RTL9: variants seen among roughly 807,000 people sequenced by gnomAD.
RTL9 encodes retrotransposon Gag like 9.
In RTL9, 19 loss-of-function variants were observed where a neutral mutation model predicts 44.7. The observed-to-expected ratio is 0.42, with a 90% confidence interval of 0.30 to 0.62. RTL9 has a LOEUF of 0.62. RTL9 is among the 20% of genes least tolerant of loss of function. The probability of loss-of-function intolerance (pLI) is 0.16; values close to 1 mark genes in which losing one functional copy is unlikely to be tolerated. For missense variants in RTL9, 1,105 were observed against 1,080.6 expected, an observed-to-expected ratio of 1.02 and a Z score of -0.32; for synonymous variants, 407 against 398.9, an observed-to-expected ratio of 1.02 and a Z score of -0.24.
chrX:110,441,624 C>T (rs1451976630), intron 1 of RTL9, among the ~76,000 whole-genome samples: 1 of 111,921 alleles, frequency 8.9e-6, no homozygotes, highest in Non-Finnish European at 1.9e-5. Flanking sequence ...ATATATCACA[C>T]CTTAATGAGA....
At chrX:110,391,973 G>A (rs1166198375) in intron 1 of RTL9, among the ~76,000 whole-genome samples, 2 of 111,716 alleles carry the variant, frequency 1.8e-5, no homozygotes, top group Non-Finnish European at 3.8e-5. Flanking sequence ...TGTTCAAAAG[G>A]GAAAACATAA....
chrX:110,424,199 G>A (rs2068738406), intron 1 of RTL9, among the ~76,000 whole-genome samples: 1 of 111,789 alleles, frequency 8.9e-6, no homozygotes, highest in South Asian at 3.8e-4. Flanking sequence ...ATCTGACTCA[G>A]TTACACTACA....
chrX:110,376,461 A>G (rs2068377291), intron 1 of RTL9, among the ~76,000 whole-genome samples: 1 of 111,481 alleles, frequency 9.0e-6, no homozygotes, highest in African/African-American at 3.3e-5. Context: ...TATTAGCCCA[A>G]GTGAGTTAAG....
At chrX:110,390,784 G>C (rs2068488926) in intron 1 of RTL9, among the ~76,000 whole-genome samples, 1 of 112,079 alleles carries the variant, frequency 8.9e-6, no homozygotes, top group Non-Finnish European at 1.9e-5. Context: ...TTTTCATCTA[G>C]AATTTGATCA....
chrX:110,396,056 G>T (rs910755705), intron 1 of RTL9, among the ~76,000 whole-genome samples: 2 of 111,464 alleles, frequency 1.8e-5, no homozygotes, highest in Admixed American at 1.9e-4. Flanking sequence ...ATATCTAAAT[G>T]CTTTTTCTTC....
chrX:110,391,566 G>A (rs776571162), intron 1 of RTL9, among the ~76,000 whole-genome samples: 2 of 111,863 alleles, frequency 1.8e-5, no homozygotes, highest in Non-Finnish European at 3.8e-5. Context: ...CTCAGGCTAC[G>A]ACTCTATGGC....
intron 1 of RTL9, among the ~76,000 whole-genome samples, chrX:110,442,213 C>A (rs769768764): frequency 1.0e-5 from 1 of 97,236 alleles, no homozygotes; most frequent in Admixed American, 1.1e-4. Context: ...GAATTTGGAT[C>A]GAAGTCTTTC....
chrX:110,361,323 C>T (rs955764503), intron 1 of RTL9, among the ~76,000 whole-genome samples: 1 of 111,678 alleles, frequency 9.0e-6, no homozygotes, highest in East Asian at 2.8e-4. Context: ...TTTTTCATTG[C>T]TACTATCCTG....
chrX:110,362,798 A>G (rs2068272892), intron 1 of RTL9, among the ~76,000 whole-genome samples: 1 of 112,136 alleles, frequency 8.9e-6, no homozygotes, highest in African/African-American at 3.2e-5. Flanking sequence ...TCATTATTTT[A>G]TATAGTCTTC....
chrX:110,403,476 G>A (rs181012556), intron 1 of RTL9, among the ~76,000 whole-genome samples: 16 of 110,874 alleles, frequency 1.4e-4, no homozygotes, highest in South Asian at 1.2e-3. Context: ...ACGCATGCGC[G>A]CACACACATG....
intron 1 of RTL9, among the ~76,000 whole-genome samples, chrX:110,388,611 G>A (rs188175509): frequency 2.6e-4 from 29 of 112,356 alleles, no homozygotes; most frequent in Middle Eastern, 4.6e-3. Context: ...GTTCTCAGGC[G>A]TGAGGATGCA....
intron 1 of RTL9, among the ~76,000 whole-genome samples, chrX:110,410,126 A>G (rs758319395): frequency 8.9e-6 from 1 of 111,753 alleles, no homozygotes; most frequent in East Asian, 2.8e-4. Context: ...CAGCTGAGTC[A>G]CCGACAGGGA....
intron 1 of RTL9, among the ~76,000 whole-genome samples, chrX:110,443,247 T>C (rs2068892316): frequency 1.8e-5 from 2 of 111,120 alleles, no homozygotes; most frequent in African/African-American, 6.6e-5. Flanking sequence ...AAAATGAGAG[T>C]GTAGGAACCC....
At chrX:110,366,096 T>A (rs753013320) in intron 1 of RTL9, among the ~76,000 whole-genome samples, 5 of 111,743 alleles carry the variant, frequency 4.5e-5, no homozygotes, top group Admixed American at 9.5e-5. Flanking sequence ...CCATGCATAT[T>A]GTCTTGGAGA....
chrX:110,380,883 G>A (rs2068414060), intron 1 of RTL9, among the ~76,000 whole-genome samples: 1 of 112,319 alleles, frequency 8.9e-6, no homozygotes, highest in Non-Finnish European at 1.9e-5. Flanking sequence ...TGGGATAACT[G>A]GCATATGCAG....
intron 1 of RTL9, among the ~76,000 whole-genome samples, chrX:110,387,963 G>A (rs776907999): frequency 1.6e-4 from 17 of 104,357 alleles, no homozygotes; most frequent in South Asian, 4.6e-4. Context: ...CCGGGTTCAC[G>A]CCATTCTCCT....
chrX:110,390,952 T>C (rs1047582945), intron 1 of RTL9, among the ~76,000 whole-genome samples: 5 of 111,710 alleles, frequency 4.5e-5, no homozygotes, highest in Admixed American at 9.5e-5. Flanking sequence ...TTTTTTGTCA[T>C]CTGGAACATG....
intron 1 of RTL9, among the ~76,000 whole-genome samples, chrX:110,386,341 ATTTAT>A (rs1013051414): frequency 4.6e-5 from 5 of 108,952 alleles, no homozygotes; most frequent in African/African-American, 1.7e-4. Flanking sequence ...TTTTTATTAT[ATTTAT>A]TTTATTTTTT....
At chrX:110,451,723 C>T in exon 1 of RTL9, 1 of 1,211,751 alleles carries the variant, frequency 8.3e-7, no homozygotes, top group Non-Finnish European at 1.1e-6. Context: ...GCCCCAGGCT[C>T]TGGGGCGATG....
Sources: allele counts gnomAD v4.1 joint callset (sites outside exome capture counted in the v4.1 genomes callset), GRCh38; gene constraint gnomAD v4.1.1; transcripts MANE v1.5; gene names NCBI Gene and HGNC (gene_info 2026-07-23, HGNC 2026-07-21).